Variants in KCNN2 observed in about 807,000 individuals in gnomAD.
KCNN2 encodes the protein potassium calcium-activated channel subfamily N member 2, also known as small conductance calcium-activated potassium channel protein 2.
In KCNN2, 24 loss-of-function variants were observed where a neutral mutation model predicts 55.5. The observed-to-expected ratio is 0.43, with a 90% CI of 0.31 to 0.61. KCNN2 has a LOEUF of 0.61. Among genes scored for constraint, KCNN2 ranks in the 20% least tolerant of loss-of-function variants. KCNN2 has a pLI of 0.08. For synonymous variants in KCNN2, 431 were observed against 336.1 expected (o/e 1.28, Z -3.09); for missense variants, 754 against 853.6 (o/e 0.88, Z 1.45).
rs770666617 is a variant in KCNN2, at chr5:114,463,087, G to T, written c.1676G>T (p.Gly559Val). Reference protein sequence around the residue: ...DQQDVTSNFLGAMWLISITFL... With the variant: ...DQQDVTSNFLVAMWLISITFL... ...CAGGATGTTACTAGCAACTTCCTTG[G>T]AGCGATGTGGTTGATATCAATAACT... Residue 559 changes from glycine (G) to valine (V), a missense_variant, in exon 4 of 8, where the codon GGA becomes GTA. Physicochemically the swap from Gly to Val is moderately radical, Grantham distance 109. Coordinates refer to ENST00000673685, the MANE Select transcript of KCNN2 (RefSeq NM_021614.4). 1 of 1,613,718 alleles carries T rather than the reference G, an allele frequency of 6.2e-7. No homozygotes were observed. The highest frequency in any genetic ancestry group is 1.7e-5 in the Admixed American group (1 of 60,000).
intron 1 of KCNN2, among the ~76,000 whole-genome samples, chr5:114,090,573 G>GTA (rs1289825047): frequency 3.8e-5 from 4 of 104,108 alleles, no homozygotes; most frequent in East Asian, 7.5e-4. Flanking sequence ...ATATATATAT[G>GTA]TATGTATATA....
At chr5:114,240,311 A>G (rs1754591253) in intron 2 of KCNN2, among the ~76,000 whole-genome samples, 1 of 152,004 alleles carries the variant, frequency 6.6e-6, no homozygotes. Context: ...TATTCCTCAT[A>G]AAAGCTTATA....
In KCNN2 at chr5:114,214,151, TTTCATATGCCATAGC is replaced by T. The variant is rs572276912; in HGVS notation, c.-270-7316_-270-7302del. Among the ~76,000 whole-genome samples, 431 of 152,148 alleles carry T rather than the reference TTTCATATGCCATAGC, an allele frequency of 2.8e-3. 1 individual carries two copies. The highest frequency in any genetic ancestry group is 1.0e-2 in the African/African-American group (414 of 41,534). ...CCTTAAAAGGGTAATTAGTAAATAG[TTTCATATGCCATAGC>T]TTCATATGCCATTAGTAAATAGCTT... On this transcript the variant is annotated intron_variant, in intron 1 of 10. Coordinates refer to the KCNN2 transcript ENST00000512097.
At chr5:114,448,525 G>T (rs57518296) in intron 3 of KCNN2, among the ~76,000 whole-genome samples, 3 of 152,176 alleles carry the variant, frequency 2.0e-5, no homozygotes, top group Non-Finnish European at 2.9e-5. Flanking sequence ...TTTTAGAATT[G>T]AAGTGGGAAA....
At chr5:114,127,975 G>A (rs1179011706) in intron 1 of KCNN2, among the ~76,000 whole-genome samples, 1 of 152,040 alleles carries the variant, frequency 6.6e-6, no homozygotes, top group Admixed American at 6.6e-5. Context: ...GGACTTTATT[G>A]TGTATATCAC....
At chr5:114,242,170 T>C (rs1383616735) in intron 2 of KCNN2, among the ~76,000 whole-genome samples, 3 of 151,920 alleles carry the variant, frequency 2.0e-5, no homozygotes, top group African/African-American at 7.3e-5. Flanking sequence ...TATTATTATT[T>C]AGAGGGAGGT....
intron 1 of KCNN2, among the ~76,000 whole-genome samples, chr5:114,202,744 G>A (rs1016450566): frequency 1.3e-4 from 20 of 151,184 alleles, no homozygotes; most frequent in Non-Finnish European, 2.4e-4. Flanking sequence ...CTGCCACCAC[G>A]CCTGGCTAAT....
chr5:114,228,523 C>T (rs986056581), intron 2 of KCNN2, among the ~76,000 whole-genome samples: 17 of 152,082 alleles, frequency 1.1e-4, no homozygotes, highest in Middle Eastern at 6.8e-3. Context: ...TAGTCTGCTT[C>T]TGGGAAAAAT....
rs1458429412 is a variant in KCNN2, at chr5:114,404,766, C to G, written c.1547C>G (p.Thr516Ser). 2 of 1,613,524 alleles carry G rather than the reference C, an allele frequency of 1.2e-6. No homozygotes were observed. The highest frequency in any genetic ancestry group is 1.7e-6 in the Non-Finnish European group (2 of 1,179,634). ...TTCAATACACGTTTTGTTATGAAGA[C>G]TTTAATGACTATATGCCCAGGAACT... ...INFNTRFVMK[T>S]LMTICPGTVL... Residue 516 changes from threonine to serine, a missense_variant, in exon 3 of 8, where the codon ACT (threonine) becomes AGT (serine). This residue lies in a region of KCNN2 where 86 missense variants were observed against 233.0 expected (regional missense o/e 0.37). Transcript: ENST00000673685.
At chr5:114,270,450 G>T (rs1244512445) in intron 2 of KCNN2, among the ~76,000 whole-genome samples, 2 of 152,056 alleles carry the variant, frequency 1.3e-5, no homozygotes, top group East Asian at 1.9e-4. Flanking sequence ...ATATGGAGCT[G>T]AAATGCAAGA....
chr5:114,155,681 T>G (rs913442299), intron 1 of KCNN2, among the ~76,000 whole-genome samples: 72 of 152,318 alleles, frequency 4.7e-4, no homozygotes, highest in African/African-American at 1.7e-3. Flanking sequence ...CATGTATATC[T>G]TCTTTTCAAA....
chr5:114,274,764 T>C (rs1755448525), intron 2 of KCNN2, among the ~76,000 whole-genome samples: 4 of 152,102 alleles, frequency 2.6e-5, no homozygotes, highest in African/African-American at 9.7e-5. Flanking sequence ...CTAAATATAC[T>C]ATCATGTCAT....
intron 1 of KCNN2, among the ~76,000 whole-genome samples, chr5:114,182,601 C>G (rs1208570880): frequency 1.3e-5 from 2 of 151,978 alleles, no homozygotes; most frequent in Non-Finnish European, 2.9e-5. Context: ...TCTCCTAAAC[C>G]TATTTCTAAA....
intron 1 of KCNN2, among the ~76,000 whole-genome samples, chr5:114,135,598 C>T (rs957839625): frequency 3.3e-5 from 5 of 152,254 alleles, no homozygotes; most frequent in Admixed American, 1.3e-4. Flanking sequence ...GCTACATGCC[C>T]GTGTATAAAG....
intron 2 of KCNN2, among the ~76,000 whole-genome samples, chr5:114,297,436 G>A (rs529377673): frequency 6.6e-6 from 1 of 152,200 alleles, no homozygotes; most frequent in Non-Finnish European, 1.5e-5. Flanking sequence ...TCTTTATTCA[G>A]AGAAAAGAAT....
chr5:114,382,058 G>A (rs1758140794), intron 2 of KCNN2, among the ~76,000 whole-genome samples: 1 of 152,164 alleles, frequency 6.6e-6, no homozygotes, highest in African/African-American at 2.4e-5. Context: ...TCCTGTTAAT[G>A]GATTAACCAT....
chr5:114,079,077 T>C (rs1185812691), intron 1 of KCNN2, among the ~76,000 whole-genome samples: 1 of 152,176 alleles, frequency 6.6e-6, no homozygotes, highest in Non-Finnish European at 1.5e-5. Context: ...GAGCCTCAAA[T>C]ATACCCTAAT....
chr5:114,486,734 C>T (rs751745663), intron 5 of KCNN2: 26 of 1,292,912 alleles, frequency 2.0e-5, no homozygotes, highest in East Asian at 1.1e-4. Context: ...TTGCAATACA[C>T]GGTGGAGAAC....
intron 1 of KCNN2, among the ~76,000 whole-genome samples, chr5:114,093,278 C>T (rs1343287741): frequency 3.3e-5 from 5 of 152,168 alleles, no homozygotes; most frequent in African/African-American, 1.2e-4. Flanking sequence ...TCCTCACCTC[C>T]ATCTGAGACC....
Sources: allele counts gnomAD v4.1 joint callset (sites outside exome capture counted in the v4.1 genomes callset), GRCh38; gene constraint gnomAD v4.1.1; regional missense constraint gnomAD v4.1.1; transcripts MANE v1.5; gene names NCBI Gene and HGNC (gene_info 2026-07-23, HGNC 2026-07-21).